ADGRV1: variants seen among roughly 807,000 people sequenced by gnomAD.
The protein encoded by ADGRV1 is G-protein coupled receptor 98.
A neutral mutation model predicts 596.2 loss-of-function variants in ADGRV1; 359 were observed. The observed-to-expected ratio is 0.60, with a 90% CI of 0.55 to 0.66. ADGRV1 has a LOEUF of 0.66. ADGRV1 is among the 30% of genes least tolerant of loss of function. The pLI is 0.00. For missense variants in ADGRV1, 7,274 were observed against 7,575.6 expected, an observed-to-expected ratio of 0.96 and a Z score of 1.48; for synonymous variants, 2,681 against 2,679.2, an observed-to-expected ratio of 1.00 and a Z score of -0.02.
chr5:90,899,021 G>A (rs1259802723), intron 83 of ADGRV1, among the ~76,000 whole-genome samples: 1 of 152,144 alleles, frequency 6.6e-6, no homozygotes, highest in Admixed American at 6.6e-5. Flanking sequence ...TGAGGATGTG[G>A]CACTCATTCT....
rs5869513 is a variant in ADGRV1 at position 90,662,187 on chromosome 5, C to CTTTTT, written c.4752+3925_4752+3929dup. 1.3e-4 allele frequency among the ~76,000 whole-genome samples: 17 copies of CTTTTT among 130,854 alleles called. 2 individuals are homozygous for CTTTTT. Among genetic ancestry groups the CTTTTT allele is most frequent in the African/African-American group, 1.5e-4 (5 of 34,282 alleles). 85.8% of individuals were successfully genotyped at this position (130,854 alleles called of 152,430 possible). On this transcript the variant is annotated intron_variant, in intron 21 of 89. Coordinates refer to ENST00000405460, the MANE Select transcript of ADGRV1 (RefSeq NM_032119.4). ...TGTTTAATCATTTTTGGTTAAACAA[C>CTTTTT]TTTTTTTTTTTTTTTTTTTTGAGAC...
intron 87 of ADGRV1, among the ~76,000 whole-genome samples, chr5:91,111,537 G>A (rs1792370980): frequency 6.6e-6 from 1 of 152,108 alleles, no homozygotes; most frequent in Admixed American, 6.6e-5. Flanking sequence ...TTTAGTCTTG[G>A]CTGCTTCCTT....
intron 50 of ADGRV1, among the ~76,000 whole-genome samples, chr5:90,741,583 T>C (rs1242099259): frequency 6.6e-6 from 1 of 152,302 alleles, no homozygotes; most frequent in East Asian, 1.9e-4. Context: ...AGATGATGAG[T>C]GCTGCCTGAA....
At chr5:90,965,963 A>T (rs1778418825) in intron 84 of ADGRV1, among the ~76,000 whole-genome samples, 1 of 152,084 alleles carries the variant, frequency 6.6e-6, no homozygotes, top group Non-Finnish European at 1.5e-5. Context: ...AGCTGTATTC[A>T]TGGGGAAATC....
At position 90,625,552 on chromosome 5, in the gene ADGRV1, AC is replaced by A. The variant is rs1251542063; in HGVS notation, c.672+311del. The A allele has an allele frequency of 7.3e-5, 14 of 192,422 alleles. No homozygotes were observed. The East Asian group carries it at 1.7e-3, about 24-fold the overall frequency. 11.9% of individuals were successfully genotyped at this position (192,422 alleles called of 1,614,324 possible). ...AATACTAACCTAGAATAAATATTTTACCATAAAAGCAAAGAAAAATTCTACT... is the reference window on the plus strand; with the variant it reads ...AATACTAACCTAGAATAAATATTTTACATAAAAGCAAAGAAAAATTCTACT... On this transcript the variant is annotated intron_variant, in intron 6 of 89. Transcript: ENST00000405460.
chr5:90,842,311 T>C (rs1211857060), intron 78 of ADGRV1, among the ~76,000 whole-genome samples: 1 of 152,220 alleles, frequency 6.6e-6, no homozygotes, highest in East Asian at 1.9e-4. Context: ...GAAAATGTAA[T>C]TAACTTTTTT....
At chr5:90,905,119 A>G (rs936803787) in intron 83 of ADGRV1, among the ~76,000 whole-genome samples, 3 of 152,056 alleles carry the variant, frequency 2.0e-5, no homozygotes, top group Non-Finnish European at 2.9e-5. Flanking sequence ...ACACTGTACC[A>G]TACTGTTTTG....
intron 79 of ADGRV1, among the ~76,000 whole-genome samples, chr5:90,852,929 A>C (rs1766673221): frequency 6.6e-6 from 1 of 152,150 alleles, no homozygotes; most frequent in African/African-American, 2.4e-5. Flanking sequence ...TGCTTTTCTC[A>C]ACCTATTCCA....
At chr5:91,115,947 A>AAAC (rs3079443) in intron 87 of ADGRV1, among the ~76,000 whole-genome samples, 80,246 of 150,536 alleles carry the variant, frequency 0.53, 23,088 homozygotes, top group Non-Finnish European at 0.64. Context: ...CTTCCATCTA[A>AAAC]AACAACAACA....
chr5:90,704,534 T>A, intron 36 of ADGRV1, 46 bp downstream of exon 36: 1 of 1,194,644 alleles, frequency 8.4e-7, no homozygotes, highest in Non-Finnish European at 1.2e-6. Context: ...ATTCTTTTCG[T>A]AAAAGAAAGA....
chr5:90,720,423 T>C (rs1376398971), intron 44 of ADGRV1, among the ~76,000 whole-genome samples, 200 bp downstream of exon 44: 1 of 152,344 alleles, frequency 6.6e-6, no homozygotes, highest in East Asian at 1.9e-4. Context: ...ACCCTGTTAT[T>C]AGAATGGTGT....
In ADGRV1 at chr5:90,828,158, A is replaced by G. The variant is rs573530217; in HGVS notation, c.16369-786A>G. Among the ~76,000 whole-genome samples, 6 of 152,326 alleles carry G rather than the reference A, an allele frequency of 3.9e-5. No homozygotes were observed. The South Asian group carries it at 1.2e-3, about 32-fold the overall frequency. On this transcript the variant is annotated intron_variant, in intron 76 of 89. Coordinates refer to ENST00000405460, the MANE Select transcript of ADGRV1 (RefSeq NM_032119.4). Reference sequence around the variant, plus strand: ...TATTTGAGACTGTTGAGAAGGAACCAAGGTGAAACATGAGCAAACTGTAAC... The same window carrying G: ...TATTTGAGACTGTTGAGAAGGAACCGAGGTGAAACATGAGCAAACTGTAAC...
intron 84 of ADGRV1, among the ~76,000 whole-genome samples, chr5:90,975,814 G>A (rs1336433246): frequency 6.6e-6 from 1 of 151,718 alleles, no homozygotes; most frequent in Non-Finnish European, 1.5e-5. Flanking sequence ...TAACAAACCT[G>A]CACATTGTGC....
At chr5:90,748,764 A>G (rs1028381400) in intron 52 of ADGRV1, among the ~76,000 whole-genome samples, 5 of 151,912 alleles carry the variant, frequency 3.3e-5, no homozygotes, top group African/African-American at 1.2e-4. Flanking sequence ...TTATCCTTAT[A>G]AAAAGTTTCT....
chr5:90,596,187 C>G (rs1490233833), intron 1 of ADGRV1, among the ~76,000 whole-genome samples: 2 of 131,706 alleles, frequency 1.5e-5, no homozygotes, highest in African/African-American at 3.0e-5. Context: ...ACATCCCAGA[C>G]GATGGGCGGC....
intron 77 of ADGRV1, among the ~76,000 whole-genome samples, chr5:90,840,183 G>C (rs1765310446): frequency 6.6e-6 from 1 of 151,790 alleles, no homozygotes; most frequent in Non-Finnish European, 1.5e-5. Flanking sequence ...ACTCTCCCCA[G>C]CCTGCCCCCC....
intron 83 of ADGRV1, among the ~76,000 whole-genome samples, chr5:90,868,964 C>G (rs917667807): frequency 6.6e-6 from 1 of 152,082 alleles, no homozygotes; most frequent in Non-Finnish European, 1.5e-5. Context: ...TCCAGCAGTT[C>G]GACCACTTCC....
At chr5:90,836,534 G>T (rs1764986620) in intron 77 of ADGRV1, among the ~76,000 whole-genome samples, 1 of 152,070 alleles carries the variant, frequency 6.6e-6, no homozygotes, top group Non-Finnish European at 1.5e-5. Context: ...AAAATTATAG[G>T]AATGGAAAAG....
At chr5:90,679,988 C>G (rs1204138892) in intron 26 of ADGRV1, among the ~76,000 whole-genome samples, 1 of 152,054 alleles carries the variant, frequency 6.6e-6, no homozygotes, top group Non-Finnish European at 1.5e-5. Flanking sequence ...AAAAAGAGGT[C>G]AATAGAAAAT....
Sources: gnomAD v4.1 joint callset for allele counts (sites outside exome capture counted in the v4.1 genomes callset) on GRCh38, gnomAD v4.1.1 for gene constraint, MANE v1.5 for transcripts, NCBI Gene and HGNC (gene_info 2026-07-23, HGNC 2026-07-21) for gene names.